AFF3: variants seen among roughly 807,000 people sequenced by gnomAD.
AFF3 encodes the protein ALF transcription elongation factor 3, also known as AF4/FMR2 family member 3.
In AFF3, 32 loss-of-function variants were observed where a neutral mutation model predicts 129.7. The ratio of observed to expected loss-of-function variants is 0.25; its 90% CI spans 0.19 to 0.33. The LOEUF (loss-of-function observed/expected upper bound fraction) is 0.33. Ranked by LOEUF, AFF3 falls within the 10% of genes least tolerant of loss-of-function variation. AFF3 has a pLI of 1.00. For missense variants in AFF3, 1,373 were observed against 1,592.0 expected, an observed-to-expected ratio of 0.86 and a Z score of 2.34; for synonymous variants, 644 against 635.4, an observed-to-expected ratio of 1.01 and a Z score of -0.20.
intron 8 of AFF3, among the ~76,000 whole-genome samples, chr2:99,797,478 C>G (rs1481028053): frequency 6.6e-6 from 1 of 151,778 alleles, no homozygotes; most frequent in Non-Finnish European, 1.5e-5. Flanking sequence ...GGAGTCCCTA[C>G]AGGAGAAAGG....
At chr2:100,104,773 T>A in intron 3 of AFF3, 6 of 790,400 alleles carry the variant, frequency 7.6e-6, no homozygotes, top group Non-Finnish European at 8.5e-6. Context: ...CTCCCCTCCC[T>A]CGCGGCGGCC....
At chr2:99,791,094 A>G (rs1402203512) in intron 8 of AFF3, among the ~76,000 whole-genome samples, 5 of 152,240 alleles carry the variant, frequency 3.3e-5, no homozygotes, top group African/African-American at 1.2e-4. Flanking sequence ...AGAACTGGCC[A>G]TGCCGAACTA....
intron 4 of AFF3, among the ~76,000 whole-genome samples, chr2:100,047,358 G>C (rs559726249): frequency 6.6e-6 from 1 of 152,136 alleles, no homozygotes; most frequent in Non-Finnish European, 1.5e-5. Context: ...CTCTGTCATA[G>C]TGGTGACAGA....
At chr2:99,638,434 G>A (rs1683868759) in intron 13 of AFF3, among the ~76,000 whole-genome samples, 1 of 151,560 alleles carries the variant, frequency 6.6e-6, no homozygotes, top group Non-Finnish European at 1.5e-5. Flanking sequence ...CTGCAGCGAG[G>A]CTGGGGGACT....
chr2:99,640,226 C>T (rs1157079777), intron 13 of AFF3, among the ~76,000 whole-genome samples: 1 of 152,144 alleles, frequency 6.6e-6, no homozygotes, highest in Non-Finnish European at 1.5e-5. Context: ...ATGCCCCATA[C>T]TACTAGTTAT....
chr2:100,028,740 C>G (rs1684247967), intron 4 of AFF3, among the ~76,000 whole-genome samples: 1 of 152,028 alleles, frequency 6.6e-6, no homozygotes, highest in Admixed American at 6.6e-5. Context: ...GATGGCTACT[C>G]TCAAAAAACA....
In AFF3 at chr2:99,554,313, C is replaced by T. The variant is rs151104269; in HGVS notation, c.3557G>A (p.Arg1186Gln). The part of the protein sequence containing the change: ...EMADNLAKEN[R>Q]EFFNDLDLLM... Reference sequence around the variant, plus strand: ...TTCCCCGTGGGGTGTGCGCTCACCTCGGTTTTCCTTGGCCAGGTTGTCGGC... The same window carrying T: ...TTCCCCGTGGGGTGTGCGCTCACCTTGGTTTTCCTTGGCCAGGTTGTCGGC... Residue 1186 changes from arginine (R) to glutamine (Q), a missense_variant and splice_region_variant, in exon 24 of 25, where the codon CGA (arginine) becomes CAA (glutamine). Arg to Gln is a conservative substitution (Grantham distance 43). This residue lies in a region of AFF3 where 165 missense variants were observed against 234.0 expected (regional missense o/e 0.71). Transcript: ENST00000672756. 5.9e-4 allele frequency: 945 copies of T among 1,614,170 alleles called. 2 individuals carry two copies. The highest frequency in any genetic ancestry group is 1.4e-3 in the South Asian group (126 of 91,076).
At chr2:100,132,117 T>C in intron 1 of AFF3, among the ~76,000 whole-genome samples, 1 of 152,172 alleles carries the variant, frequency 6.6e-6, no homozygotes, top group Non-Finnish European at 1.5e-5. Context: ...GCTGTTGAAA[T>C]TGAAGGATGC....
intron 19 of AFF3, among the ~76,000 whole-genome samples, chr2:99,567,245 G>C (rs984510712): frequency 6.6e-6 from 1 of 151,634 alleles, no homozygotes; most frequent in Non-Finnish European, 1.5e-5. Flanking sequence ...CTCCCAAAGT[G>C]CTGGGATTAC....
At chr2:100,031,527 C>T (rs149444801) in intron 4 of AFF3, among the ~76,000 whole-genome samples, 1 of 152,308 alleles carries the variant, frequency 6.6e-6, no homozygotes, top group East Asian at 1.9e-4. Context: ...AATGAGTACA[C>T]CTAGCATCCT....
intron 20 of AFF3, among the ~76,000 whole-genome samples, chr2:99,562,019 G>C (rs534415250): frequency 6.6e-6 from 1 of 152,312 alleles, no homozygotes; most frequent in South Asian, 2.1e-4. Flanking sequence ...CATGGTTTCA[G>C]AGAAGCCTGC....
At chr2:100,130,857 G>A (rs1195519847) in intron 1 of AFF3, among the ~76,000 whole-genome samples, 1 of 152,028 alleles carries the variant, frequency 6.6e-6, no homozygotes, top group Admixed American at 6.6e-5. Context: ...GAGGGCACCT[G>A]CTAGGCCAGA....
intron 11 of AFF3, among the ~76,000 whole-genome samples, chr2:99,677,839 G>C (rs918941826): frequency 3.3e-5 from 5 of 152,182 alleles, no homozygotes; most frequent in African/African-American, 1.2e-4. Flanking sequence ...TTGTTTTAGA[G>C]ACAGGGTCTT....
intron 4 of AFF3, among the ~76,000 whole-genome samples, chr2:100,028,511 T>C (rs996373478): frequency 1.3e-4 from 19 of 150,976 alleles, no homozygotes; most frequent in Admixed American, 4.0e-4. Flanking sequence ...ATGGGAAAAA[T>C]CACATAATAA....
At chr2:99,681,067 T>C (rs1674480172) in intron 11 of AFF3, among the ~76,000 whole-genome samples, 1 of 152,160 alleles carries the variant, frequency 6.6e-6, no homozygotes, top group South Asian at 2.1e-4. Flanking sequence ...GGTTTTTTTT[T>C]CTTTTCTTTT....
chr2:99,678,575 T>G (rs1167797534), intron 11 of AFF3, among the ~76,000 whole-genome samples: 4 of 152,226 alleles, frequency 2.6e-5, no homozygotes, highest in Admixed American at 1.3e-4. Flanking sequence ...AGTCATTTCA[T>G]TTTGCTTTGT....
At chr2:99,623,059 A>G (rs1436836159) in intron 13 of AFF3, among the ~76,000 whole-genome samples, 2 of 151,996 alleles carry the variant, frequency 1.3e-5, no homozygotes, top group East Asian at 3.9e-4. Flanking sequence ...ATTTAGTCAG[A>G]CTTCAGAGCA....
At chr2:99,727,841 C>T (rs536367851) in intron 10 of AFF3, among the ~76,000 whole-genome samples, 6 of 152,260 alleles carry the variant, frequency 3.9e-5, no homozygotes, top group Non-Finnish European at 7.4e-5. Context: ...GAATTACAGG[C>T]GTGAACCACC....
chr2:100,045,830 G>T (rs1220658774), intron 4 of AFF3, among the ~76,000 whole-genome samples: 1 of 151,966 alleles, frequency 6.6e-6, no homozygotes, highest in East Asian at 1.9e-4. Flanking sequence ...CTTATTGTAA[G>T]AATAATATCT....
Sources: allele counts gnomAD v4.1 joint callset (sites outside exome capture counted in the v4.1 genomes callset), GRCh38; gene constraint gnomAD v4.1.1; regional missense constraint gnomAD v4.1.1; transcripts MANE v1.5; gene names NCBI Gene and HGNC (gene_info 2026-07-23, HGNC 2026-07-21).